STX8: variants seen among roughly 807,000 people sequenced by gnomAD.
The protein encoded by STX8 is syntaxin 8, also known as syntaxin-8.
Under a neutral mutation model 37.5 loss-of-function variants are expected in STX8, and 23 were observed. That is an observed-to-expected ratio of 0.61 (90% CI 0.44 to 0.87). The LOEUF is 0.87. Ranked by LOEUF, STX8 falls within the 40% of genes least tolerant of loss-of-function variation. The pLI, the probability that STX8 is intolerant of heterozygous loss-of-function variation, is 0.00. For missense variants in STX8, 313 were observed against 284.7 expected (o/e 1.10, Z -0.71); for synonymous variants, 115 against 99.1 (o/e 1.16, Z -0.95).
intron 7 of STX8, among the ~76,000 whole-genome samples, chr17:9,349,610 C>A (rs1344496798): frequency 6.6e-6 from 1 of 152,128 alleles, no homozygotes; most frequent in Non-Finnish European, 1.5e-5. Flanking sequence ...GCATTAGCCA[C>A]CACGCCGGGC....
chr17:9,323,836 G>A (rs867981925), intron 7 of STX8, among the ~76,000 whole-genome samples: 41 of 152,092 alleles, frequency 2.7e-4, no homozygotes, highest in African/African-American at 8.5e-4. Flanking sequence ...AGGCCCAAAC[G>A]GGACAATGAG....
intron 4 of STX8, among the ~76,000 whole-genome samples, chr17:9,536,340 G>C (rs1326256313): frequency 2.0e-5 from 3 of 152,172 alleles, no homozygotes; most frequent in South Asian, 4.1e-4. Context: ...TGAAGAGACA[G>C]CAACTACCCG....
intron 7 of STX8, among the ~76,000 whole-genome samples, chr17:9,261,243 T>C (rs1055834259): frequency 6.6e-6 from 1 of 152,170 alleles, no homozygotes; most frequent in Admixed American, 6.5e-5. Flanking sequence ...GGAGACCGCA[T>C]GTGAGACCTC....
At chr17:9,495,129 TTAAAC>T (rs1229460642) in intron 5 of STX8, among the ~76,000 whole-genome samples, 1 of 152,242 alleles carries the variant, frequency 6.6e-6, no homozygotes, top group Non-Finnish European at 1.5e-5. Flanking sequence ...TGGAATTTAT[TTAAAC>T]TAACGGTGTG....
chr17:9,558,500 T>C (rs899498923), intron 2 of STX8, among the ~76,000 whole-genome samples: 11 of 152,138 alleles, frequency 7.2e-5, no homozygotes, highest in African/African-American at 2.7e-4. Context: ...ACCTACAATG[T>C]TGTGGGGAAA....
In STX8 at chr17:9,432,319, T is replaced by G. The variant is rs190430303; in HGVS notation, c.542-53666A>C. On this transcript the variant is annotated intron_variant, in intron 6 of 7. Transcript: ENST00000306357. ...TACGGCCAGAGCTTGCAAGCAGATG[T>G]GCTGGCTAAATATCTCAGGTCAATC... Among the ~76,000 whole-genome samples the G allele has an allele frequency of 2.0e-5, 3 of 152,332 alleles. No individual in the cohort carries two copies. The East Asian group carries it at 5.8e-4, about 29-fold the overall frequency.
intron 2 of STX8, among the ~76,000 whole-genome samples, chr17:9,558,723 T>C (rs1238174863): frequency 1.3e-5 from 2 of 151,350 alleles, no homozygotes; most frequent in Non-Finnish European, 2.9e-5. Context: ...CGCGGGAGGC[T>C]GAGGCAGGAG....
At chr17:9,462,695 C>T (rs1905448495) in intron 6 of STX8, among the ~76,000 whole-genome samples, 1 of 152,190 alleles carries the variant, frequency 6.6e-6, no homozygotes, top group South Asian at 2.1e-4. Context: ...TGCACTCCAG[C>T]CTGGGCAACA....
At chr17:9,550,075 T>C (rs1328290260) in intron 3 of STX8, among the ~76,000 whole-genome samples, 1 of 151,952 alleles carries the variant, frequency 6.6e-6, no homozygotes, top group Non-Finnish European at 1.5e-5. Flanking sequence ...AATACAAAAA[T>C]TAGCTGGGTG....
chr17:9,420,313 G>A (rs540601257), intron 6 of STX8, among the ~76,000 whole-genome samples: 1 of 152,272 alleles, frequency 6.6e-6, no homozygotes, highest in East Asian at 1.9e-4. Context: ...TGGCTCCACA[G>A]CCACCTCCCT....
chr17:9,472,930 G>T (rs1183970431), intron 6 of STX8, among the ~76,000 whole-genome samples: 1 of 152,174 alleles, frequency 6.6e-6, no homozygotes, highest in African/African-American at 2.4e-5. Flanking sequence ...GAGGAACTAG[G>T]GCAGAAGCAG....
intron 7 of STX8, among the ~76,000 whole-genome samples, chr17:9,300,103 G>A (rs1020805570): frequency 7.2e-5 from 11 of 152,060 alleles, no homozygotes; most frequent in East Asian, 1.9e-4. Context: ...AGACCGAGGC[G>A]GGCGGATCAC....
intron 6 of STX8, among the ~76,000 whole-genome samples, chr17:9,486,261 G>C (rs958582400): frequency 3.3e-5 from 5 of 152,188 alleles, no homozygotes; most frequent in African/African-American, 1.2e-4. Flanking sequence ...TCCAGGGATA[G>C]GATAGAGAAA....
intron 7 of STX8, among the ~76,000 whole-genome samples, chr17:9,304,507 CAA>C (rs35673905): frequency 6.9e-4 from 39 of 56,876 alleles, no homozygotes; most frequent in African/African-American, 2.4e-3. Context: ...GAAACTGTCT[CAA>C]AAAAAAAAAA....
chr17:9,565,137 G>C (rs1907402700), intron 2 of STX8, among the ~76,000 whole-genome samples: 1 of 152,240 alleles, frequency 6.6e-6, no homozygotes, highest in Admixed American at 6.5e-5. Context: ...GAACCCGAGA[G>C]GCAGAGGTTG....
At chr17:9,332,977 G>C (rs532222692) in intron 7 of STX8, among the ~76,000 whole-genome samples, 7 of 152,172 alleles carry the variant, frequency 4.6e-5, no homozygotes. Context: ...AGATGAGAAC[G>C]AGACACAATA....
At chr17:9,279,330 C>T (rs1481065508) in intron 7 of STX8, among the ~76,000 whole-genome samples, 1 of 152,116 alleles carries the variant, frequency 6.6e-6, no homozygotes, top group Admixed American at 6.6e-5. Flanking sequence ...CTCAGGTGAT[C>T]CACCCACCTT....
At chr17:9,327,076 G>A (rs1460882390) in intron 7 of STX8, among the ~76,000 whole-genome samples, 2 of 151,782 alleles carry the variant, frequency 1.3e-5, no homozygotes, top group Non-Finnish European at 2.9e-5. Flanking sequence ...AGAATCGCTT[G>A]AACCTGGGAG....
At chr17:9,557,353 G>A (rs1567609276) in intron 3 of STX8, 81 bp downstream of exon 3, 2 of 1,175,530 alleles carry the variant, frequency 1.7e-6, no homozygotes, top group Non-Finnish European at 2.5e-6. Context: ...AAATCTGGGT[G>A]GCCCAGATTC....
Sources: gnomAD v4.1 joint callset for allele counts (sites outside exome capture counted in the v4.1 genomes callset) on GRCh38, gnomAD v4.1.1 for gene constraint, MANE v1.5 for transcripts, NCBI Gene and HGNC (gene_info 2026-07-23, HGNC 2026-07-21) for gene names.